Variants in PHKB observed in about 807,000 individuals in gnomAD.
PHKB encodes phosphorylase kinase regulatory subunit beta.
Under a neutral mutation model 152.1 loss-of-function variants are expected in PHKB, and 122 were observed. The ratio of observed to expected loss-of-function variants is 0.80; its 90% CI spans 0.69 to 0.93. The LOEUF (loss-of-function observed/expected upper bound fraction) is 0.93, where lower values mean the gene tolerates loss of function less well. PHKB is among the 40% of genes least tolerant of loss of function. PHKB has a pLI of 0.00. For synonymous variants in PHKB, 436 were observed against 464.9 expected (o/e 0.94, Z 0.80); for missense variants, 1,304 against 1,328.4 (o/e 0.98, Z 0.29).
intron 14 of PHKB, among the ~76,000 whole-genome samples, chr16:47,622,040 A>G (rs565718408): frequency 2.0e-5 from 3 of 152,326 alleles, no homozygotes; most frequent in Admixed American, 2.0e-4. Flanking sequence ...CATCTACAGG[A>G]TGGAAACTTC....
chr16:47,497,471 A>T lies in PHKB; in HGVS notation c.149A>T (p.Asp50Val). The change falls in exon 2 of 31, where the codon GAC becomes GTC. Residue 50 changes from aspartate (D) to valine (V), a missense_variant. Coordinates refer to ENST00000323584, the MANE Select transcript of PHKB (RefSeq NM_000293.3). ...AATGAAACTCTCTGGGATAAGTTGG[A>T]CCATTATTACAGAATTGGTGAGTAA... Reference protein sequence around the residue: ...PDNETLWDKLDHYYRIVKSTL... With the variant: ...PDNETLWDKLVHYYRIVKSTL... The T allele has an allele frequency of 6.2e-7, 1 of 1,603,380 alleles. No homozygotes were observed.
chr16:47,566,514 C>T lies in PHKB; in HGVS notation c.711-13781C>T, dbSNP rs570903655. 3.4e-5 allele frequency: 55 copies of T among 1,605,190 alleles called. 1 individual carries two copies. In the African/African-American group the frequency reaches 4.5e-4, roughly 13 times the overall value. ...CAACTTCTCTGGATTGCTGGGTTCACGTGGTAAAAGCACTGCACTGATATT... is the reference window on the plus strand; with the variant it reads ...CAACTTCTCTGGATTGCTGGGTTCATGTGGTAAAAGCACTGCACTGATATT... On this transcript the variant is annotated intron_variant, in intron 7 of 30. Coordinates refer to ENST00000323584, the MANE Select transcript of PHKB (RefSeq NM_000293.3).
intron 26 of PHKB, among the ~76,000 whole-genome samples, chr16:47,677,093 AG>A (rs1376313090): frequency 6.6e-6 from 1 of 152,226 alleles, no homozygotes; most frequent in African/African-American, 2.4e-5. Flanking sequence ...TATGCACTAA[AG>A]GAAAGAGAAA....
chr16:47,618,452 C>T (rs993229744), intron 14 of PHKB, among the ~76,000 whole-genome samples: 24 of 152,072 alleles, frequency 1.6e-4, no homozygotes, highest in African/African-American at 5.3e-4. Flanking sequence ...TTTTCTCCTT[C>T]TATACTCAAT....
chr16:47,592,229 A>G (rs937355620), intron 10 of PHKB, among the ~76,000 whole-genome samples: 2 of 152,196 alleles, frequency 1.3e-5, no homozygotes, highest in Non-Finnish European at 2.9e-5. Flanking sequence ...CTTCGGTATT[A>G]CCAGCTGCTC....
Position 47,642,159 on chromosome 16 carries a change from A to C in PHKB, c.1608+467A>C, listed in dbSNP as rs529983283. 2.0e-5 allele frequency among the ~76,000 whole-genome samples: 3 copies of C among 152,076 alleles called. No individual in the cohort carries two copies. In the East Asian group the frequency reaches 5.8e-4, roughly 29 times the overall value. ...TTAGGTGTGAGAAGGTTTGTTTAAA[A>C]AAAACGTACTCATACCTAAATATTT... On this transcript the variant is annotated intron_variant, in intron 16 of 30. Transcript: ENST00000323584.
At chr16:47,687,583 C>T (rs943259133) in intron 26 of PHKB, among the ~76,000 whole-genome samples, 1 of 152,196 alleles carries the variant, frequency 6.6e-6, no homozygotes, top group Non-Finnish European at 1.5e-5. Flanking sequence ...AATACTTCAT[C>T]TTTATTGCTC....
intron 14 of PHKB, among the ~76,000 whole-genome samples, chr16:47,637,304 C>T (rs1972938694): frequency 6.6e-6 from 1 of 152,174 alleles, no homozygotes; most frequent in Non-Finnish European, 1.5e-5. Context: ...ACTTGGGACT[C>T]ACCAAATGGC....
At chr16:47,483,018 G>C (rs1223472237) in intron 1 of PHKB, among the ~76,000 whole-genome samples, 1 of 148,262 alleles carries the variant, frequency 6.7e-6, no homozygotes, top group Non-Finnish European at 1.5e-5. Context: ...ACCATGCCTG[G>C]CCTATTAAAT....
chr16:47,670,832 A>G (rs1423025020), intron 26 of PHKB, among the ~76,000 whole-genome samples: 2 of 152,154 alleles, frequency 1.3e-5, no homozygotes, highest in Admixed American at 6.6e-5. Context: ...ATGTCTCTTC[A>G]TAACTTTTAC....
chr16:47,604,321 T>A (rs1019072441), intron 13 of PHKB, among the ~76,000 whole-genome samples: 2 of 152,238 alleles, frequency 1.3e-5, no homozygotes, highest in Non-Finnish European at 2.9e-5. Flanking sequence ...TTAAAATCTT[T>A]ACACACTCAG....
intron 7 of PHKB, among the ~76,000 whole-genome samples, chr16:47,551,746 T>C (rs1426502808): frequency 6.6e-6 from 1 of 152,240 alleles, no homozygotes; most frequent in Admixed American, 6.5e-5. Flanking sequence ...GGTCCAGAGC[T>C]AAGTTCAAGT....
At chr16:47,480,873 GA>G (rs369433829) in intron 1 of PHKB, among the ~76,000 whole-genome samples, 4 of 152,000 alleles carry the variant, frequency 2.6e-5, no homozygotes, top group Non-Finnish European at 5.9e-5. Flanking sequence ...GAATAGACAT[GA>G]AAAAAATTTT....
At chr16:47,463,095 CAGGG>C (rs1159541154) in intron 1 of PHKB, 2 of 152,594 alleles carry the variant, frequency 1.3e-5, no homozygotes, top group African/African-American at 4.8e-5. Flanking sequence ...AGTTTTCTTA[CAGGG>C]ACCTGAGTAC....
rs188477164 is a variant in PHKB, at chr16:47,495,434, G to A, written c.77-1965G>A. Among the ~76,000 whole-genome samples the A allele has an allele frequency of 8.6e-4, 131 of 151,848 alleles. 1 individual carries two copies. The highest frequency in any genetic ancestry group is 3.0e-3 in the African/African-American group (124 of 41,414). On this transcript the variant is annotated intron_variant, in intron 1 of 30. Transcript: ENST00000323584. ...AATGGAATTATATACTCAGCTCTTGGTGATTTATGTTTTGTATGTAAAGCA... is the reference window on the plus strand; with the variant it reads ...AATGGAATTATATACTCAGCTCTTGATGATTTATGTTTTGTATGTAAAGCA...
chr16:47,593,502 A>G lies in PHKB; in HGVS notation c.1071A>G (p.Leu357=), dbSNP rs1028398680. 7 of 1,383,698 alleles carry G rather than the reference A, an allele frequency of 5.1e-6. No individual in the cohort carries two copies. The highest frequency in any genetic ancestry group is 7.2e-6 in the Non-Finnish European group (7 of 970,578). The allele number at this position is 1,383,698 out of a possible 1,614,324, so 85.7% of individuals were successfully genotyped here. ...RCYYKPAEIK[L]FDGIECEFPI... ...TAATGTTTTATTTTCTGTTTTAGCT[A>G]TTTGATGGCATTGAATGTGAATTTC... Residue 357 remains leucine (L), a splice_region_variant and synonymous_variant, in exon 11 of 31, where the codon CTA becomes CTG. Coordinates refer to ENST00000323584, the MANE Select transcript of PHKB (RefSeq NM_000293.3).
chr16:47,545,504 TTC>T (rs1261139402), intron 6 of PHKB, among the ~76,000 whole-genome samples: 2 of 152,216 alleles, frequency 1.3e-5, no homozygotes, highest in Non-Finnish European at 2.9e-5. Flanking sequence ...AACCCGACCT[TTC>T]TCTCTGGCTG....
intron 14 of PHKB, 100 bp from the exon 15 acceptor site, chr16:47,640,935 A>G: frequency 1.8e-6 from 2 of 1,121,918 alleles, no homozygotes; most frequent in East Asian, 2.4e-5. Flanking sequence ...CATTTTAATG[A>G]ACTGCTTAGA....
chr16:47,512,790 CT>C (rs1461122768), intron 5 of PHKB, among the ~76,000 whole-genome samples: 1 of 152,110 alleles, frequency 6.6e-6, no homozygotes, highest in Non-Finnish European at 1.5e-5. Flanking sequence ...TCATTTGGTT[CT>C]CTGTCTTTGG....
Sources: gnomAD v4.1 joint callset for allele counts (sites outside exome capture counted in the v4.1 genomes callset) on GRCh38, gnomAD v4.1.1 for gene constraint, MANE v1.5 for transcripts, NCBI Gene and HGNC (gene_info 2026-07-23, HGNC 2026-07-21) for gene names.